The following PLXDC2 variants were observed in gnomAD, a reference collection of about 807,000 sequenced individuals.
PLXDC2 encodes the protein plexin domain containing 2.
Under a neutral mutation model 68.9 loss-of-function variants are expected in PLXDC2, and 40 were observed. That is an observed-to-expected ratio of 0.58 (90% CI 0.45 to 0.76). PLXDC2 has a LOEUF of 0.76. Ranked by LOEUF, PLXDC2 falls within the 30% of genes least tolerant of loss-of-function variation. The probability of loss-of-function intolerance (pLI) is 0.00; values close to 1 mark genes in which losing one functional copy is unlikely to be tolerated. For missense variants in PLXDC2, 644 were observed against 661.9 expected (o/e 0.97, Z 0.30); for synonymous variants, 243 against 234.2 (o/e 1.04, Z -0.34).
intron 2 of PLXDC2, among the ~76,000 whole-genome samples, chr10:20,017,380 C>T (rs1277729124): frequency 6.6e-6 from 1 of 152,198 alleles, no homozygotes; most frequent in Non-Finnish European, 1.5e-5. Context: ...CTCAGGTTCT[C>T]TTCATGCAGT....
chr10:20,233,204 A>G (rs191542131), intron 12 of PLXDC2, among the ~76,000 whole-genome samples: 81 of 152,178 alleles, frequency 5.3e-4, no homozygotes, highest in African/African-American at 2.0e-3. Context: ...TTCAAGAAGA[A>G]GTTAAGGTTC....
rs778515075 is a variant in PLXDC2 at position 20,176,973 on chromosome 10, T to C, written c.884-26T>C. On this transcript the variant is annotated intron_variant, in intron 7 of 13. Transcript: ENST00000377252. ...TTTGTAAGCGAGGAAAGGTTAAAAATTGATTTTTTTTCCTTTTTTTTCTAG... is the reference window on the plus strand; with the variant it reads ...TTTGTAAGCGAGGAAAGGTTAAAAACTGATTTTTTTTCCTTTTTTTTCTAG... 1.5e-5 allele frequency: 23 copies of C among 1,511,304 alleles called. No individual in the cohort carries two copies. In the South Asian group the frequency reaches 1.6e-4, roughly 11 times the overall value. 93.6% of individuals were successfully genotyped at this position (1,511,304 alleles called of 1,614,324 possible).
intron 4 of PLXDC2, among the ~76,000 whole-genome samples, chr10:20,088,177 C>T (rs1833226381): frequency 6.6e-6 from 1 of 152,170 alleles, no homozygotes; most frequent in African/African-American, 2.4e-5. Context: ...AACTCTGCTT[C>T]TGACAAGTGG....
At chr10:19,864,272 C>T (rs1439385950) in intron 1 of PLXDC2, among the ~76,000 whole-genome samples, 3 of 152,118 alleles carry the variant, frequency 2.0e-5, no homozygotes, top group Non-Finnish European at 4.4e-5. Flanking sequence ...TCCCAAAGAG[C>T]TGGGATTATG....
Position 19,825,204 on chromosome 10 carries a change from T to C in PLXDC2, c.112+8013T>C, listed in dbSNP as rs116459329. ...ATCTTATTACTCAGTTCCTCAATTA[T>C]TTTTTACTCAATAATTGGACATTTT... On this transcript the variant is annotated intron_variant, in intron 1 of 13. Coordinates refer to ENST00000377252, the MANE Select transcript of PLXDC2 (RefSeq NM_032812.9). 7.3e-3 allele frequency among the ~76,000 whole-genome samples: 1,108 copies of C among 152,320 alleles called. 10 individuals carry two copies. The highest frequency in any genetic ancestry group is 0.015 in the African/African-American group (639 of 41,570).
At chr10:19,882,809 A>G (rs1436775529) in intron 1 of PLXDC2, among the ~76,000 whole-genome samples, 3 of 152,204 alleles carry the variant, frequency 2.0e-5, no homozygotes, top group African/African-American at 7.2e-5. Context: ...ACAATGTTAA[A>G]AGCAGAACAG....
chr10:20,216,122 A>C (rs1246287919), intron 10 of PLXDC2, among the ~76,000 whole-genome samples: 2 of 152,142 alleles, frequency 1.3e-5, no homozygotes, highest in African/African-American at 4.8e-5. Context: ...AAAAAAAAAA[A>C]TAAAAAAATA....
chr10:20,132,068 A>G (rs1833874936), intron 4 of PLXDC2, among the ~76,000 whole-genome samples: 1 of 152,186 alleles, frequency 6.6e-6, no homozygotes, highest in Admixed American at 6.5e-5. Context: ...GTCTCAAGAT[A>G]TCTTTTAAGA....
intron 4 of PLXDC2, among the ~76,000 whole-genome samples, chr10:20,121,648 A>G (rs936762581): frequency 6.6e-6 from 1 of 152,140 alleles, no homozygotes; most frequent in Non-Finnish European, 1.5e-5. Context: ...AGCATGTTTG[A>G]GATCCAGAAC....
intron 4 of PLXDC2, among the ~76,000 whole-genome samples, chr10:20,112,591 GT>G (rs1833573670): frequency 6.6e-6 from 1 of 152,150 alleles, no homozygotes; most frequent in Non-Finnish European, 1.5e-5. Context: ...TCTGTATTAA[GT>G]TGGGAACCCT....
intron 1 of PLXDC2, among the ~76,000 whole-genome samples, chr10:19,949,380 A>C (rs555917311): frequency 1.5e-4 from 23 of 152,242 alleles, no homozygotes; most frequent in Admixed American, 7.8e-4. Flanking sequence ...CTGCTCTGAC[A>C]TGATCATTTT....
At chr10:20,240,304 A>G (rs1835497382) in intron 12 of PLXDC2, among the ~76,000 whole-genome samples, 1 of 152,120 alleles carries the variant, frequency 6.6e-6, no homozygotes, top group Admixed American at 6.5e-5. Context: ...TATGGTGTAT[A>G]TGGACAACAT....
At chr10:20,166,841 G>A (rs1589662160) in intron 7 of PLXDC2, among the ~76,000 whole-genome samples, 2 of 151,994 alleles carry the variant, frequency 1.3e-5, no homozygotes, top group African/African-American at 2.4e-5. Flanking sequence ...TGCATCCTTT[G>A]TTATGCTGTA....
chr10:19,906,011 A>T (rs1833151248), intron 1 of PLXDC2, among the ~76,000 whole-genome samples: 1 of 151,608 alleles, frequency 6.6e-6, no homozygotes, highest in African/African-American at 2.4e-5. Flanking sequence ...AAAAAAAAAC[A>T]ACTCAAATCT....
chr10:20,104,155 T>A (rs557673369), intron 4 of PLXDC2, among the ~76,000 whole-genome samples: 1 of 152,248 alleles, frequency 6.6e-6, no homozygotes, highest in East Asian at 1.9e-4. Flanking sequence ...TGACACAATA[T>A]GAATTAGTCA....
In PLXDC2 at chr10:19,925,230, G is replaced by C. The variant is rs1342826044; in HGVS notation, c.113-76545G>C. On this transcript the variant is annotated intron_variant, in intron 1 of 13. Transcript: ENST00000377252. ...AGCTGGAACCAGGAGGCAGCAGAAG[G>C]CATGGAGAGCCTGCATGGCCTCTGC... Among the ~76,000 whole-genome samples the C allele has an allele frequency of 5.9e-5, 9 of 151,276 alleles. No homozygotes were observed. In the East Asian group the frequency reaches 1.7e-3, roughly 29 times the overall value.
chr10:20,024,781 C>T (rs907532754), intron 2 of PLXDC2, among the ~76,000 whole-genome samples: 2 of 152,064 alleles, frequency 1.3e-5, no homozygotes, highest in African/African-American at 4.8e-5. Context: ...TATGAATACC[C>T]ATCGTTCAGG....
intron 13 of PLXDC2, among the ~76,000 whole-genome samples, chr10:20,278,147 A>C (rs1454677274): frequency 1.3e-5 from 2 of 152,170 alleles, no homozygotes; most frequent in Non-Finnish European, 2.9e-5. Context: ...GTATAGCACA[A>C]TGTCTTTATG....
intron 3 of PLXDC2, among the ~76,000 whole-genome samples, chr10:20,056,599 A>T (rs1475314969): frequency 6.6e-6 from 1 of 152,214 alleles, no homozygotes; most frequent in Non-Finnish European, 1.5e-5. Context: ...AGGACTTTGG[A>T]GAGCCTTGAG....
Sources: gnomAD v4.1 joint callset for allele counts (sites outside exome capture counted in the v4.1 genomes callset) on GRCh38, gnomAD v4.1.1 for gene constraint, MANE v1.5 for transcripts, NCBI Gene and HGNC (gene_info 2026-07-23, HGNC 2026-07-21) for gene names.